The following FNIP1 variants were observed in gnomAD, a reference collection of about 807,000 sequenced individuals.
FNIP1 encodes folliculin-interacting protein 1.
In FNIP1, 40 loss-of-function variants were observed where a neutral mutation model predicts 124.5. The observed-to-expected ratio is 0.32, with a 90% CI of 0.25 to 0.42. The LOEUF (loss-of-function observed/expected upper bound fraction) is 0.42, where lower values mean the gene tolerates loss of function less well. Among genes scored for constraint, FNIP1 ranks in the 10% least tolerant of loss-of-function variants. The pLI is 1.00. For missense variants in FNIP1, 1,176 were observed against 1,403.7 expected, an observed-to-expected ratio of 0.84 and a Z score of 2.59; for synonymous variants, 472 against 470.6, an observed-to-expected ratio of 1.00 and a Z score of -0.04.
intron 10 of FNIP1, among the ~76,000 whole-genome samples, chr5:131,700,976 T>C (rs1768881464): frequency 6.6e-6 from 1 of 152,172 alleles, no homozygotes. Flanking sequence ...GCATTAACAA[T>C]GTACATTTTA....
chr5:131,681,947 G>T (rs530172029), intron 11 of FNIP1, among the ~76,000 whole-genome samples: 1 of 151,968 alleles, frequency 6.6e-6, no homozygotes, highest in Non-Finnish European at 1.5e-5. Flanking sequence ...TGATAAATGA[G>T]GAAATAGCAA....
At chr5:131,733,040 T>C (rs1223625469) in intron 2 of FNIP1, among the ~76,000 whole-genome samples, 1 of 152,182 alleles carries the variant, frequency 6.6e-6, no homozygotes, top group Non-Finnish European at 1.5e-5. Flanking sequence ...GAAGAGGTCC[T>C]TCACATCCCT....
At chr5:131,682,594 G>GT (rs1265067840) in intron 11 of FNIP1, among the ~76,000 whole-genome samples, 2 of 152,016 alleles carry the variant, frequency 1.3e-5, no homozygotes, top group Admixed American at 6.6e-5. Context: ...GTGAGTGCCT[G>GT]TAATTCCAGC....
At chr5:131,698,812 T>C in intron 11 of FNIP1, 105 bp downstream of exon 11, 1 of 927,406 alleles carries the variant, frequency 1.1e-6, no homozygotes, top group Non-Finnish European at 1.6e-6. Flanking sequence ...ATCATATGAC[T>C]ATAGGACAAA....
intron 11 of FNIP1, among the ~76,000 whole-genome samples, chr5:131,695,928 C>T (rs1031993428): frequency 6.6e-6 from 1 of 152,216 alleles, no homozygotes; most frequent in African/African-American, 2.4e-5. Context: ...AGAACACTTA[C>T]TGAAATATCA....
chr5:131,729,995 C>G (rs1362218308), intron 3 of FNIP1, among the ~76,000 whole-genome samples: 4 of 151,910 alleles, frequency 2.6e-5, no homozygotes, highest in Non-Finnish European at 4.4e-5. Context: ...CCCACCTCAG[C>G]CTCCCAAAAT....
In FNIP1 at chr5:131,716,607, C is replaced by T. The variant is rs748142196; in HGVS notation, c.580G>A (p.Ala194Thr). 4 of 1,607,284 alleles carry T rather than the reference C, an allele frequency of 2.5e-6. No homozygotes were observed. The African/African-American group carries it at 4.0e-5, about 16-fold the overall frequency. ...CCATTAATAACTGTGTTATTATCAG[C>T]CTTTAATGTATTGTTGTCCTGATTG... ...FINQDNNTLK[A>T]DNNTVINGLL... is the part of the protein sequence containing the mutation. The change falls in exon 6 of 18, where the codon GCT becomes ACT. Residue 194 changes from alanine to threonine, a missense_variant. This residue lies in a region of FNIP1 where 1,109 missense variants were observed against 1,288.5 expected (regional missense o/e 0.86). Transcript: ENST00000510461.
chr5:131,660,752 G>C (rs1288460788), intron 15 of FNIP1, among the ~76,000 whole-genome samples: 1 of 152,142 alleles, frequency 6.6e-6, no homozygotes, highest in Non-Finnish European at 1.5e-5. Context: ...ACAAATTTGG[G>C]GGCTCATCTG....
chr5:131,653,048 C>T (rs1180428906), intron 15 of FNIP1, among the ~76,000 whole-genome samples: 1 of 152,140 alleles, frequency 6.6e-6, no homozygotes, highest in African/African-American at 2.4e-5. Flanking sequence ...TGCTAACTAT[C>T]CCAATATGTC....
intron 11 of FNIP1, among the ~76,000 whole-genome samples, chr5:131,693,335 T>G (rs866155821): frequency 1.0e-5 from 1 of 98,036 alleles, no homozygotes; most frequent in Non-Finnish European, 1.9e-5. Flanking sequence ...TATATATACA[T>G]ATATATATAT....
chr5:131,736,864 A>G (rs1005085114), intron 2 of FNIP1, among the ~76,000 whole-genome samples: 1 of 152,170 alleles, frequency 6.6e-6, no homozygotes, highest in East Asian at 1.9e-4. Flanking sequence ...GGAAATACAC[A>G]TTGACGTATT....
In FNIP1 at chr5:131,641,883, G is replaced by A. The variant is rs965074585; in HGVS notation, c.*2802C>T. 1 of 152,696 alleles carries A rather than the reference G, an allele frequency of 6.5e-6. No individual in the cohort carries two copies. Among genetic ancestry groups the A allele is most frequent in the African/African-American group, 2.4e-5 (1 of 41,416 alleles). 9.5% of individuals were successfully genotyped at this position (152,696 alleles called of 1,614,324 possible). A position where few individuals can be genotyped will look rare whatever the true frequency, so the allele number is the denominator to read the frequency against. ...CAATCTCATAAGACATCTACCAGAA[G>A]TAGGCATTATGTAAAATCTGTTTTT... is the stretch of plus-strand genomic sequence containing the variant. On this transcript the variant is annotated 3_prime_UTR_variant, in exon 18 of 18. Coordinates refer to ENST00000510461, the MANE Select transcript of FNIP1 (RefSeq NM_133372.3).
rs563328119 is a variant in FNIP1 at position 131,727,354 on chromosome 5, T to C, written c.354+3550A>G. Among the ~76,000 whole-genome samples the C allele has an allele frequency of 1.3e-4, 20 of 152,304 alleles. No homozygotes were observed. In the South Asian group the frequency reaches 3.7e-3, roughly 28 times the overall value. On this transcript the variant is annotated intron_variant, in intron 3 of 17. Coordinates refer to ENST00000510461, the MANE Select transcript of FNIP1 (RefSeq NM_133372.3). ...CTCTTGTACTGGGTGCATATATACT[T>C]ACAATAGTTAGCTCTTCTTGTTACA...
Position 131,672,214 on chromosome 5 carries a change from A to G in FNIP1, c.2230T>C (p.Cys744Arg). 6.2e-7 allele frequency: 1 copy of G among 1,614,202 alleles called. No homozygotes were observed. Among genetic ancestry groups the G allele is most frequent in the Non-Finnish European group, 8.5e-7 (1 of 1,180,028 alleles). The change falls in exon 14 of 18, where the codon TGT (cysteine) becomes CGT (arginine). Residue 744 changes from cysteine to arginine, a missense_variant. By Grantham distance (180) the Cys-to-Arg change is radical. Around this residue, in one of 2 missense-constraint regions of FNIP1, gnomAD observed 1,109 missense variants for 1,288.5 expected, o/e 0.86. Coordinates refer to ENST00000510461, the MANE Select transcript of FNIP1 (RefSeq NM_133372.3). ...PDKIVPASFS[C>R]EAAQTKVTFL... The stretch of plus-strand genomic sequence containing the variant: ...GTAACCTTTGTCTGGGCAGCCTCAC[A>G]AGAAAATGAAGCAGGCACAATCTTA...
At chr5:131,712,248 A>T (rs1431381855) in intron 6 of FNIP1, among the ~76,000 whole-genome samples, 1 of 151,944 alleles carries the variant, frequency 6.6e-6, no homozygotes, top group African/African-American at 2.4e-5. Flanking sequence ...CTTCTTCAAA[A>T]ACCTCCTTCT....
At chr5:131,782,132 C>T (rs896394323) in intron 1 of FNIP1, among the ~76,000 whole-genome samples, 2 of 151,570 alleles carry the variant, frequency 1.3e-5, no homozygotes, top group African/African-American at 2.4e-5. Context: ...CCAGCCTAGG[C>T]GACATGGAGA....
At position 131,708,789 on chromosome 5, in the gene FNIP1, GA is replaced by G. The variant is rs763838718; in HGVS notation, c.778+411del. ...CAAATTTTGGACAGGTCCATATTTG[GA>G]AAAAAAAAAAAAGTATAACATTGAT... On this transcript the variant is annotated intron_variant, in intron 8 of 17. Transcript: ENST00000510461. 7.6e-3 allele frequency among the ~76,000 whole-genome samples: 1,041 copies of G among 137,710 alleles called. 3 individuals are homozygous for G. The highest frequency in any genetic ancestry group is 0.027 in the Middle Eastern group (7 of 264). 90.3% of individuals were successfully genotyped at this position (137,710 alleles called of 152,430 possible). A position where few individuals can be genotyped will look rare whatever the true frequency, so the allele number is the denominator to read the frequency against.
chr5:131,796,992 C>T lies in FNIP1; in HGVS notation c.-71G>A. ...GCCCCTGCTCCTACAGCCGCCCCGC[C>T]ACCCCCATGGGCGCCTCAGTCATAT... On this transcript the variant is annotated 5_prime_UTR_variant, in exon 1 of 18. Coordinates refer to ENST00000510461, the MANE Select transcript of FNIP1 (RefSeq NM_133372.3). 1 of 1,371,200 alleles carries T rather than the reference C, an allele frequency of 7.3e-7. No individual in the cohort carries two copies. The highest frequency in any genetic ancestry group is 1.0e-6 in the Non-Finnish European group (1 of 995,968). The allele number at this position is 1,371,200 out of a possible 1,614,324, so 84.9% of individuals were successfully genotyped here.
At chr5:131,767,159 C>G (rs186620282) in intron 1 of FNIP1, among the ~76,000 whole-genome samples, 75 of 152,100 alleles carry the variant, frequency 4.9e-4, no homozygotes, top group African/African-American at 1.8e-3. Context: ...CTTGGCCAGG[C>G]GTGGTGGCTC....
Sources: gnomAD v4.1 joint callset for allele counts (sites outside exome capture counted in the v4.1 genomes callset) on GRCh38, gnomAD v4.1.1 for gene constraint, gnomAD v4.1.1 regional missense constraint, MANE v1.5 for transcripts, NCBI Gene and HGNC (gene_info 2026-07-23, HGNC 2026-07-21) for gene names.